The following WLS variants were observed in gnomAD, a reference collection of about 807,000 sequenced individuals.
The protein encoded by WLS is protein wntless homolog.
WLS carries 23 observed loss-of-function variants against 62.8 expected under a neutral mutation model. The ratio of observed to expected loss-of-function variants is 0.37; its 90% CI spans 0.26 to 0.52. WLS has a LOEUF of 0.52. WLS is among the 20% of genes least tolerant of loss of function. The pLI is 0.92. For synonymous variants in WLS, 246 were observed against 244.1 expected (o/e 1.01, Z -0.07); for missense variants, 615 against 697.3 (o/e 0.88, Z 1.33).
Position 68,150,554 on chromosome 1 carries a change from C to A in WLS, c.804-198G>T, listed in dbSNP as rs566634925. On this transcript the variant is annotated intron_variant, in intron 5 of 11. Transcript: ENST00000262348. ...CAGAATGAGGGAGTGCTATACCAACCTTTCTATGGAAGTGAACCTGACCTC... is the reference window on the plus strand; with the variant it reads ...CAGAATGAGGGAGTGCTATACCAACATTTCTATGGAAGTGAACCTGACCTC... Among the ~76,000 whole-genome samples, 46 of 152,290 alleles carry A rather than the reference C, an allele frequency of 3.0e-4. 1 individual carries two copies. In the South Asian group the frequency reaches 9.5e-3, roughly 32 times the overall value.
rs771072914 is a variant in WLS, at chr1:68,225,148, CT to C, written c.106+7045del. Among the ~76,000 whole-genome samples the C allele has an allele frequency of 2.2e-4, 33 of 151,600 alleles. No individual in the cohort carries two copies. In the East Asian group the frequency reaches 6.3e-3, roughly 29 times the overall value. ...CAATATGATTACTGCTTTTGCTCCCCTACAAGATTTAGTCAGGGATAGAATG... is the reference window on the plus strand; with the variant it reads ...CAATATGATTACTGCTTTTGCTCCCCACAAGATTTAGTCAGGGATAGAATG... On this transcript the variant is annotated intron_variant, in intron 1 of 11. Transcript: ENST00000262348.
In WLS at chr1:68,145,880, G is replaced by A; in HGVS notation, c.1267C>T (p.Leu423=). The change falls in exon 9 of 12, where the codon CTA becomes TTA. Residue 423 remains leucine (L), a synonymous_variant. Transcript: ENST00000262348. The part of the protein sequence containing the change: ...SLPAMSKVRR[L]HYEGLIFRFK... ...AGAAATCTGCCCACCTCATAGTGTA[G>A]CCGCCGGACTTTGCTCATAGCTGGC... 1 of 1,614,168 alleles carries A rather than the reference G, an allele frequency of 6.2e-7. No homozygotes were observed.
chr1:68,119,674 C>A (rs1323495862), intron 11 of WLS, among the ~76,000 whole-genome samples: 2 of 152,262 alleles, frequency 1.3e-5, no homozygotes, highest in African/African-American at 4.8e-5. Context: ...AGCCTTGCTT[C>A]TCCATGCCAC....
chr1:68,171,522 C>G (rs929704719), intron 2 of WLS, among the ~76,000 whole-genome samples: 1 of 152,140 alleles, frequency 6.6e-6, no homozygotes, highest in Admixed American at 6.5e-5. Flanking sequence ...ACAGCCACTT[C>G]GCAAAAGAAG....
At chr1:68,118,029 G>A (rs530648009) in intron 11 of WLS, among the ~76,000 whole-genome samples, 2 of 151,734 alleles carry the variant, frequency 1.3e-5, no homozygotes, top group South Asian at 2.1e-4. Flanking sequence ...ATTATCTTAG[G>A]GGATATTTCT....
At chr1:68,161,430 G>C (rs12124766) in intron 2 of WLS, among the ~76,000 whole-genome samples, 27,229 of 152,044 alleles carry the variant, frequency 0.18, 2,655 homozygotes, top group East Asian at 0.37. Context: ...TTGTAGAGCA[G>C]GGTGTTCAGG....
chr1:68,199,535 T>C (rs1187715558), intron 1 of WLS, among the ~76,000 whole-genome samples: 4 of 152,138 alleles, frequency 2.6e-5, no homozygotes, highest in Non-Finnish European at 5.9e-5. Context: ...AATCATATTT[T>C]CTGCAGATAT....
chr1:68,230,588 CGTGTGTGTGT>C (rs145944948), intron 1 of WLS, among the ~76,000 whole-genome samples: 4 of 149,048 alleles, frequency 2.7e-5, no homozygotes, highest in Admixed American at 6.7e-5. Flanking sequence ...TGTGTGCGCG[CGTGTGTGTGT>C]GTGTGTGTGT....
chr1:68,163,586 C>T (rs1412430727), intron 2 of WLS, among the ~76,000 whole-genome samples: 13 of 149,910 alleles, frequency 8.7e-5, no homozygotes, highest in Non-Finnish European at 1.8e-4. Flanking sequence ...TCCCTCCCTC[C>T]GCTACCCCGC....
chr1:68,138,241 T>C (rs1646638828), intron 10 of WLS: 1 of 310,394 alleles, frequency 3.2e-6, no homozygotes, highest in African/African-American at 2.1e-5. Flanking sequence ...CAAACTGTGT[T>C]TGAGCCCATC....
rs55796915 is a variant in WLS, at chr1:68,205,877, C to G, written c.107-11650G>C. Among the ~76,000 whole-genome samples the G allele has an allele frequency of 7.8e-3, 1,186 of 152,318 alleles. 19 individuals carry two copies. The highest frequency in any genetic ancestry group is 0.027 in the African/African-American group (1,130 of 41,568). ...AGAGATGTAAATGATTTTTTTCTCT[C>G]TGCCCCAGTGAATCACATATGAAAG... is the stretch of plus-strand genomic sequence containing the variant. On this transcript the variant is annotated intron_variant, in intron 1 of 11. Transcript: ENST00000262348.
intron 10 of WLS, chr1:68,142,763 A>G (rs12028158): frequency 0.26 from 39,501 of 152,114 alleles, 6,301 homozygotes; most frequent in East Asian, 0.4. Context: ...AGCTAGCAAC[A>G]CTAACACTCC....
At chr1:68,179,371 T>G (rs1329821275) in intron 2 of WLS, among the ~76,000 whole-genome samples, 1 of 152,112 alleles carries the variant, frequency 6.6e-6, no homozygotes, top group Non-Finnish European at 1.5e-5. Flanking sequence ...GCCCTGTCAA[T>G]AGACTCATGG....
chr1:68,130,854 A>C (rs1015184746), intron 11 of WLS, among the ~76,000 whole-genome samples: 2 of 151,704 alleles, frequency 1.3e-5, no homozygotes, highest in East Asian at 3.9e-4. Context: ...AAAAGAAAAA[A>C]TAATAATAAA....
At chr1:68,127,675 A>G (rs574943819) in intron 11 of WLS, among the ~76,000 whole-genome samples, 15 of 152,118 alleles carry the variant, frequency 9.9e-5, no homozygotes, top group Non-Finnish European at 2.2e-4. Flanking sequence ...CACATATCAT[A>G]TGATAAGTTT....
chr1:68,101,598 C>T (rs1646079141), intron 11 of WLS, among the ~76,000 whole-genome samples: 1 of 152,162 alleles, frequency 6.6e-6, no homozygotes, highest in South Asian at 2.1e-4. Flanking sequence ...CTCTCTGACC[C>T]TTAAACAAAT....
At chr1:68,190,434 A>C (rs2100593476) in intron 2 of WLS, among the ~76,000 whole-genome samples, 1 of 152,314 alleles carries the variant, frequency 6.6e-6, no homozygotes, top group African/African-American at 2.4e-5. Context: ...CTTCTAACCA[A>C]CAGAATACAG....
At chr1:68,132,814 A>C (rs1457316248) in intron 11 of WLS, among the ~76,000 whole-genome samples, 1 of 152,214 alleles carries the variant, frequency 6.6e-6, no homozygotes, top group African/African-American at 2.4e-5. Context: ...GAATTGTCTG[A>C]CTTCATAAGC....
At position 68,159,265 on chromosome 1, in the gene WLS, C is replaced by T; in HGVS notation, c.380-18G>A. 1 of 1,608,130 alleles carries T rather than the reference C, an allele frequency of 6.2e-7. No homozygotes were observed. The highest frequency in any genetic ancestry group is 1.1e-5 in the South Asian group (1 of 89,514). ...ATTTTCTCCTGCAAGAGAAAGGATGCACGTTTCAGAAATGACTTTTGGAAA... is the reference window on the plus strand; with the variant it reads ...ATTTTCTCCTGCAAGAGAAAGGATGTACGTTTCAGAAATGACTTTTGGAAA... On this transcript the variant is annotated intron_variant, in intron 2 of 11. Transcript: ENST00000262348.
Sources: allele counts gnomAD v4.1 joint callset (sites outside exome capture counted in the v4.1 genomes callset), GRCh38; gene constraint gnomAD v4.1.1; transcripts MANE v1.5; gene names NCBI Gene and HGNC (gene_info 2026-07-23, HGNC 2026-07-21).